The following CCNY variants were observed in gnomAD, a reference collection of about 807,000 sequenced individuals.
CCNY encodes cyclin-Y.
A neutral mutation model predicts 42.8 loss-of-function variants in CCNY; 19 were observed. The observed-to-expected ratio is 0.44, with a 90% CI of 0.31 to 0.65. The LOEUF (loss-of-function observed/expected upper bound fraction) is 0.65, where lower values mean the gene tolerates loss of function less well. Among genes scored for constraint, CCNY ranks in the 30% least tolerant of loss-of-function variants. The pLI, the probability that CCNY is intolerant of heterozygous loss-of-function variation, is 0.07. For synonymous variants in CCNY, 165 were observed against 162.7 expected, an observed-to-expected ratio of 1.01 and a Z score of -0.11; for missense variants, 370 against 437.3, an observed-to-expected ratio of 0.85 and a Z score of 1.37.
At chr10:35,374,185 GC>G (rs1358637240) in intron 1 of CCNY, among the ~76,000 whole-genome samples, 1 of 152,196 alleles carries the variant, frequency 6.6e-6, no homozygotes, top group African/African-American at 2.4e-5. Flanking sequence ...AAATGGTGAG[GC>G]CTAGAAGTTT....
At chr10:35,370,451 G>A (rs960231662) in intron 1 of CCNY, among the ~76,000 whole-genome samples, 3 of 151,322 alleles carry the variant, frequency 2.0e-5, no homozygotes, top group Non-Finnish European at 2.9e-5. Flanking sequence ...GCGCCCGGCC[G>A]TTCCTCATCC....
intron 1 of CCNY, among the ~76,000 whole-genome samples, chr10:35,474,324 A>G (rs1343573198): frequency 6.6e-6 from 1 of 152,208 alleles, no homozygotes; most frequent in Non-Finnish European, 1.5e-5. Context: ...GTGCCTCTGT[A>G]GGCTCCACCT....
At chr10:35,283,421 G>A (rs1023265177) in intron 3 of CCNY, among the ~76,000 whole-genome samples, 23 of 150,158 alleles carry the variant, frequency 1.5e-4, no homozygotes, top group Admixed American at 1.3e-4. Flanking sequence ...TTTTTTTAGA[G>A]ACTGAGTCTC....
At chr10:35,513,765 A>C (rs1256484572) in intron 3 of CCNY, among the ~76,000 whole-genome samples, 1 of 151,992 alleles carries the variant, frequency 6.6e-6, no homozygotes, top group East Asian at 1.9e-4. Context: ...CCAGCACATC[A>C]CTTTGCTGTG....
intron 1 of CCNY, among the ~76,000 whole-genome samples, chr10:35,466,195 A>G (rs1839266900): frequency 6.6e-6 from 1 of 152,100 alleles, no homozygotes; most frequent in Admixed American, 6.5e-5. Flanking sequence ...GGCATGTACC[A>G]GGCTTGGTGG....
chr10:35,478,220 A>G (rs1157398653), intron 1 of CCNY, among the ~76,000 whole-genome samples: 10 of 148,608 alleles, frequency 6.7e-5, no homozygotes, highest in Non-Finnish European at 1.5e-4. Context: ...TGCCCAAGGT[A>G]ATTTACAGAT....
intron 1 of CCNY, among the ~76,000 whole-genome samples, chr10:35,387,251 T>TA (rs35138967): frequency 0.053 from 8,076 of 152,290 alleles, 313 homozygotes; most frequent in African/African-American, 0.11. Context: ...GCCAGTGAGA[T>TA]AGTCCTTTTC....
intron 3 of CCNY, among the ~76,000 whole-genome samples, chr10:35,322,761 A>G (rs897852298): frequency 1.5e-4 from 23 of 152,238 alleles, no homozygotes; most frequent in African/African-American, 4.8e-4. Flanking sequence ...CCATCAGGGA[A>G]ATGCAAAGTA....
intron 7 of CCNY, among the ~76,000 whole-genome samples, chr10:35,539,941 TG>T (rs1840965059): frequency 6.6e-6 from 1 of 152,246 alleles, no homozygotes; most frequent in South Asian, 2.1e-4. Context: ...CCTGCCACAT[TG>T]CTGAATTCAT....
intron 1 of CCNY, among the ~76,000 whole-genome samples, chr10:35,462,836 G>A (rs1839184940): frequency 1.3e-5 from 2 of 152,254 alleles, no homozygotes; most frequent in East Asian, 1.9e-4. Context: ...TCCATTGAGC[G>A]CCTCTGCAGG....
intron 3 of CCNY, among the ~76,000 whole-genome samples, chr10:35,318,973 A>AT (rs1467764660): frequency 6.6e-6 from 1 of 151,822 alleles, no homozygotes; most frequent in Non-Finnish European, 1.5e-5. Context: ...TCTATAGTTT[A>AT]TTTTTTTGAG....
At chr10:35,494,733 G>A (rs1589158746) in intron 2 of CCNY, among the ~76,000 whole-genome samples, 1 of 152,104 alleles carries the variant, frequency 6.6e-6, no homozygotes, top group Non-Finnish European at 1.5e-5. Flanking sequence ...ATAGAAAAAT[G>A]GGCATATTTC....
rs765391010 is a variant in CCNY, at chr10:35,356,801, A to G, written c.154+19594A>G. On this transcript the variant is annotated intron_variant, in intron 1 of 9. Coordinates refer to ENST00000374704, the MANE Select transcript of CCNY (RefSeq NM_145012.6). ...CATTCTCTTAAAACTATTCTTTCTT[A>G]TAATCCTCTCTCTCTCTCCTTAACA... is the stretch of plus-strand genomic sequence containing the variant. 3.9e-5 allele frequency among the ~76,000 whole-genome samples: 6 copies of G among 152,062 alleles called. No homozygotes were observed. The East Asian group carries it at 7.9e-4, about 20-fold the overall frequency.
At chr10:35,423,194 G>A (rs1838195194) in intron 1 of CCNY, among the ~76,000 whole-genome samples, 1 of 151,808 alleles carries the variant, frequency 6.6e-6, no homozygotes, top group African/African-American at 2.4e-5. Flanking sequence ...AAAATTTTCG[G>A]CCAGGTGTGG....
chr10:35,390,546 A>G (rs920566018), intron 1 of CCNY, among the ~76,000 whole-genome samples: 4 of 152,212 alleles, frequency 2.6e-5, no homozygotes, highest in African/African-American at 4.8e-5. Flanking sequence ...GTGTGAACCA[A>G]TGATTGACAG....
At chr10:35,475,307 G>T (rs1475464637) in intron 1 of CCNY, among the ~76,000 whole-genome samples, 1 of 152,140 alleles carries the variant, frequency 6.6e-6, no homozygotes, top group Non-Finnish European at 1.5e-5. Context: ...GATACTCCTC[G>T]AGAAGAGCAA....
chr10:35,516,128 A>T (rs1306306121), intron 3 of CCNY, among the ~76,000 whole-genome samples: 1 of 152,216 alleles, frequency 6.6e-6, no homozygotes, highest in African/African-American at 2.4e-5. Context: ...TACAGTGGAC[A>T]CTTGTCTTGA....
intron 2 of CCNY, among the ~76,000 whole-genome samples, chr10:35,498,010 T>A (rs1468117258): frequency 6.6e-6 from 1 of 152,104 alleles, no homozygotes; most frequent in Non-Finnish European, 1.5e-5. Context: ...ACAGTCACAC[T>A]CATGACTGTA....
At chr10:35,327,737 T>C (rs1835896765) in intron 3 of CCNY, 1 of 152,226 alleles carries the variant, frequency 6.6e-6, no homozygotes, top group Non-Finnish European at 1.5e-5. Flanking sequence ...TTGGAGGAGG[T>C]TGAGGCAGTG....
Sources: gnomAD v4.1 joint callset for allele counts (sites outside exome capture counted in the v4.1 genomes callset) on GRCh38, gnomAD v4.1.1 for gene constraint, MANE v1.5 for transcripts, NCBI Gene and HGNC (gene_info 2026-07-23, HGNC 2026-07-21) for gene names.